Variants in BRINP3 observed in about 807,000 individuals in gnomAD.
The protein encoded by BRINP3 is BMP/retinoic acid inducible neural specific 3, also known as BMP/retinoic acid-inducible neural-specific protein 3.
A neutral mutation model predicts 71.0 loss-of-function variants in BRINP3; 19 were observed. That is an observed-to-expected ratio of 0.27 (90% CI 0.19 to 0.39). The LOEUF is 0.39. Ranked by LOEUF, BRINP3 falls within the 10% of genes least tolerant of loss-of-function variation. BRINP3 has a pLI of 1.00. For missense variants in BRINP3, 959 were observed against 940.8 expected (o/e 1.02, Z -0.25); for synonymous variants, 380 against 337.7 (o/e 1.13, Z -1.37).
intron 2 of BRINP3, among the ~76,000 whole-genome samples, chr1:190,435,809 G>A (rs1674419901): frequency 6.6e-6 from 1 of 151,890 alleles, no homozygotes; most frequent in South Asian, 2.1e-4. Flanking sequence ...CTTGTAGCAT[G>A]ACAAGTTTAT....
intron 3 of BRINP3, among the ~76,000 whole-genome samples, chr1:190,277,115 A>ATATATATATATATATATATATATATATT (rs1212564236): frequency 4.6e-5 from 6 of 129,292 alleles, no homozygotes; most frequent in African/African-American, 8.1e-5. Flanking sequence ...ATATATATAT[A>ATATATATATATATATATATATATATATT]TATTTATATT....
At chr1:190,409,120 A>T (rs1672491122) in intron 2 of BRINP3, among the ~76,000 whole-genome samples, 1 of 152,120 alleles carries the variant, frequency 6.6e-6, no homozygotes, top group African/African-American at 2.4e-5. Flanking sequence ...CCTTCTATCC[A>T]GCCAGGTGTG....
chr1:190,321,450 A>G (rs926249176), intron 2 of BRINP3, among the ~76,000 whole-genome samples: 8 of 152,176 alleles, frequency 5.3e-5, no homozygotes, highest in Non-Finnish European at 1.2e-4. Context: ...TGAAAATTAT[A>G]AGATTCTGAT....
In BRINP3 at chr1:190,098,575, C is replaced by T; in HGVS notation, c.1744G>A (p.Glu582Lys). 1.9e-6 allele frequency: 3 copies of T among 1,614,162 alleles called. No individual in the cohort carries two copies. Among genetic ancestry groups the T allele is most frequent in the Non-Finnish European group, 2.5e-6 (3 of 1,180,028 alleles). Reference protein sequence around the residue: ...YVNPFGGSHSESWFMPVNENS... With the variant: ...YVNPFGGSHSKSWFMPVNENS... The stretch of plus-strand genomic sequence containing the variant: ...TCATTCACAGGCATAAACCAGCTCT[C>T]AGAGTGGCTGCCTCCGAAGGGATTG... Residue 582 changes from glutamate to lysine, a missense_variant, in exon 8 of 8, where the codon GAG (glutamate) becomes AAG (lysine). By Grantham distance (56) the Glu-to-Lys change is moderately conservative. Coordinates refer to ENST00000367462, the MANE Select transcript of BRINP3 (RefSeq NM_199051.3).
intron 4 of BRINP3, among the ~76,000 whole-genome samples, chr1:190,254,362 G>A (rs1660448788): frequency 6.6e-6 from 1 of 151,868 alleles, no homozygotes; most frequent in Non-Finnish European, 1.5e-5. Context: ...ATTACCTTGG[G>A]CAGTATGGCC....
chr1:190,246,658 T>C (rs1034595065), intron 4 of BRINP3, among the ~76,000 whole-genome samples: 3 of 152,120 alleles, frequency 2.0e-5, no homozygotes, highest in Admixed American at 6.6e-5. Context: ...GAAAAACTTT[T>C]GATAATATGT....
At chr1:190,402,330 C>T (rs573323411) in intron 2 of BRINP3, among the ~76,000 whole-genome samples, 16 of 152,014 alleles carry the variant, frequency 1.1e-4, no homozygotes, top group Admixed American at 1.3e-4. Flanking sequence ...GAAATATATG[C>T]AATTAATATA....
chr1:190,268,906 CAT>C (rs1661874811), intron 3 of BRINP3, among the ~76,000 whole-genome samples: 1 of 152,020 alleles, frequency 6.6e-6, no homozygotes, highest in South Asian at 2.1e-4. Context: ...TTTTCTTGAG[CAT>C]AAATATTCAA....
chr1:190,287,551 A>T (rs1301412328), intron 2 of BRINP3, among the ~76,000 whole-genome samples: 1 of 152,164 alleles, frequency 6.6e-6, no homozygotes. Context: ...TGGGGATAAA[A>T]GTCCAATCAC....
intron 6 of BRINP3, among the ~76,000 whole-genome samples, chr1:190,189,110 C>T (rs1249077567): frequency 6.6e-6 from 1 of 152,014 alleles, no homozygotes; most frequent in Non-Finnish European, 1.5e-5. Context: ...ATTTTGTTTT[C>T]CTTAGTGTCT....
intron 6 of BRINP3, among the ~76,000 whole-genome samples, chr1:190,188,909 T>A (rs1653783286): frequency 6.6e-6 from 1 of 152,094 alleles, no homozygotes; most frequent in Non-Finnish European, 1.5e-5. Flanking sequence ...TACAGGAGCT[T>A]CCCACAATGC....
chr1:190,278,676 C>G (rs1408679437), intron 3 of BRINP3, among the ~76,000 whole-genome samples: 2 of 151,462 alleles, frequency 1.3e-5, no homozygotes, highest in South Asian at 4.1e-4. Flanking sequence ...AAAACTCAAT[C>G]CAAGGAATAT....
chr1:190,344,971 T>C (rs2103125031), intron 2 of BRINP3, among the ~76,000 whole-genome samples: 1 of 152,018 alleles, frequency 6.6e-6, no homozygotes, highest in Non-Finnish European at 1.5e-5. Flanking sequence ...TTAATATAAT[T>C]GTATTGAATA....
intron 2 of BRINP3, among the ~76,000 whole-genome samples, chr1:190,401,419 A>AAAAGCTAG (rs1558253164): frequency 2.0e-5 from 3 of 150,784 alleles, no homozygotes; most frequent in African/African-American, 4.9e-5. Context: ...GCAAACAATC[A>AAAAGCTAG]AAAAGCTAGG....
chr1:190,255,716 C>A (rs536051517), intron 4 of BRINP3, among the ~76,000 whole-genome samples: 2 of 151,238 alleles, frequency 1.3e-5, no homozygotes, highest in African/African-American at 4.8e-5. Flanking sequence ...TTTTGTCAGT[C>A]TTTTAAAAAA....
chr1:190,237,292 TA>T (rs1553267144), intron 4 of BRINP3, among the ~76,000 whole-genome samples: 1 of 151,844 alleles, frequency 6.6e-6, no homozygotes, highest in Non-Finnish European at 1.5e-5. Context: ...TTATATGAAA[TA>T]AATCTATCTT....
chr1:190,153,963 A>C (rs773978452), intron 7 of BRINP3: 1 of 500,474 alleles, frequency 2.0e-6, no homozygotes, highest in African/African-American at 2.1e-5. Context: ...TAACTTATAC[A>C]AAATGGAATT....
At chr1:190,243,156 T>A (rs963477362) in intron 4 of BRINP3, among the ~76,000 whole-genome samples, 5 of 152,066 alleles carry the variant, frequency 3.3e-5, no homozygotes, top group Non-Finnish European at 7.4e-5. Context: ...GTTCTTAAAT[T>A]ATTGATTTAG....
intron 4 of BRINP3, among the ~76,000 whole-genome samples, chr1:190,257,823 A>C (rs1041899166): frequency 6.6e-6 from 1 of 152,292 alleles, no homozygotes; most frequent in African/African-American, 2.4e-5. Context: ...GCAGAGCAGC[A>C]AATATTGCTG....
Sources: allele counts gnomAD v4.1 joint callset (sites outside exome capture counted in the v4.1 genomes callset), GRCh38; gene constraint gnomAD v4.1.1; transcripts MANE v1.5; gene names NCBI Gene and HGNC (gene_info 2026-07-23, HGNC 2026-07-21).